The following AXDND1 variants were observed in gnomAD, a reference collection of about 807,000 sequenced individuals.
AXDND1 encodes the protein axonemal dynein light chain domain-containing protein 1.
AXDND1 carries 110 observed loss-of-function variants against 137.5 expected under a neutral mutation model. The observed-to-expected ratio is 0.80, with a 90% CI of 0.69 to 0.94. The LOEUF (loss-of-function observed/expected upper bound fraction) is 0.94. Ranked by LOEUF, AXDND1 falls within the 40% of genes least tolerant of loss-of-function variation. The pLI is 0.00. For synonymous variants in AXDND1, 414 were observed against 399.7 expected, an observed-to-expected ratio of 1.04 and a Z score of -0.43; for missense variants, 1,191 against 1,169.8, an observed-to-expected ratio of 1.02 and a Z score of -0.26.
At chr1:179,425,558 G>T (rs1487925137) in intron 12 of AXDND1, among the ~76,000 whole-genome samples, 1 of 151,270 alleles carries the variant, frequency 6.6e-6, no homozygotes, top group East Asian at 1.9e-4. Flanking sequence ...CAACATGATG[G>T]GGTCTCCTGC....
chr1:179,411,362 A>G (rs1653849747), intron 12 of AXDND1, 96 bp downstream of exon 12: 2 of 1,496,192 alleles, frequency 1.3e-6, no homozygotes, highest in South Asian at 2.4e-5. Flanking sequence ...TTTTGTTTTG[A>G]AAGAGTCTTA....
chr1:179,379,093 T>G (rs1481466592), intron 5 of AXDND1, among the ~76,000 whole-genome samples: 2 of 152,168 alleles, frequency 1.3e-5, no homozygotes, highest in African/African-American at 4.8e-5. Context: ...CTTGCTAAGT[T>G]GAATTTTAAA....
intron 17 of AXDND1, among the ~76,000 whole-genome samples, chr1:179,477,816 G>A (rs1234488814): frequency 6.6e-6 from 1 of 152,156 alleles, no homozygotes; most frequent in African/African-American, 2.4e-5. Flanking sequence ...GACAAGGCAA[G>A]TTTCTTCCAC....
chr1:179,382,442 C>T lies in AXDND1; in HGVS notation c.582-258C>T, dbSNP rs561747077. ...AATGGCCAAAGGCTGCTCCTTTGAG[C>T]TTTCTCTTGTGTTCTTTGGCCATGT... On this transcript the variant is annotated intron_variant, in intron 6 of 25. Transcript: ENST00000367618. Among the ~76,000 whole-genome samples the T allele has an allele frequency of 2.6e-5, 4 of 152,278 alleles. No homozygotes were observed. In the East Asian group the frequency reaches 7.7e-4, roughly 29 times the overall value.
chr1:179,433,421 G>T (rs1043313908), intron 15 of AXDND1, among the ~76,000 whole-genome samples: 1 of 152,040 alleles, frequency 6.6e-6, no homozygotes, highest in Non-Finnish European at 1.5e-5. Flanking sequence ...GGATTTGTTT[G>T]CTTTTGCTTC....
intron 21 of AXDND1, among the ~76,000 whole-genome samples, chr1:179,510,663 G>A (rs909619773): frequency 5.3e-5 from 8 of 152,038 alleles, no homozygotes; most frequent in Admixed American, 5.2e-4. Flanking sequence ...AAAAATCAAG[G>A]AACTGTACAG....
chr1:179,391,001 T>G (rs1479029559), intron 9 of AXDND1, among the ~76,000 whole-genome samples: 1 of 152,062 alleles, frequency 6.6e-6, no homozygotes, highest in African/African-American at 2.4e-5. Flanking sequence ...AGATAGGGTT[T>G]ATCCATGTTG....
intron 16 of AXDND1, chr1:179,456,255 C>A (rs1250694636): frequency 2.7e-6 from 2 of 735,872 alleles, no homozygotes; most frequent in African/African-American, 3.5e-5. Flanking sequence ...GCTACTGCTG[C>A]TACTGGAACC....
Position 179,430,590 on chromosome 1 carries a change from T to G in AXDND1, c.1471T>G (p.Trp491Gly). ...AATTGTTAAGGATGGGCTTATCAAA[T>G]GGCAGGAGTTCTTCAAGTGAGTCAC... ...LKIVKDGLIK[W>G]QEFFNEKDIL... The change falls in exon 14 of 26, where the codon TGG (tryptophan) becomes GGG (glycine). Residue 491 changes from tryptophan to glycine, a missense_variant. By Grantham distance (184) the Trp-to-Gly change is radical (BLOSUM62 -2). Transcript: ENST00000367618. The G allele has an allele frequency of 6.2e-7, 1 of 1,610,232 alleles. No individual in the cohort carries two copies. Among genetic ancestry groups the G allele is most frequent in the South Asian group, 1.1e-5 (1 of 90,556 alleles).
At chr1:179,517,933 A>G (rs1280589531) in intron 21 of AXDND1, among the ~76,000 whole-genome samples, 1 of 152,170 alleles carries the variant, frequency 6.6e-6, no homozygotes, top group Admixed American at 6.5e-5. Flanking sequence ...TGCTCTGTCC[A>G]TCTGAGTTGG....
chr1:179,368,981 G>C lies in AXDND1; in HGVS notation c.270+9G>C, dbSNP rs1451535403. ...AAATTAAAACCCCAAAGGTTTGTAT[G>C]TACATATGTAGAGTAATGGGGAACA... is the stretch of plus-strand genomic sequence containing the variant. On this transcript the variant is annotated intron_variant, in intron 3 of 25. Transcript: ENST00000367618. 1 of 1,595,146 alleles carries C rather than the reference G, an allele frequency of 6.3e-7. No homozygotes were observed. Among genetic ancestry groups the C allele is most frequent in the African/African-American group, 1.3e-5 (1 of 74,098 alleles).
chr1:179,395,717 C>T (rs1395710931), intron 11 of AXDND1, among the ~76,000 whole-genome samples: 1 of 152,040 alleles, frequency 6.6e-6, no homozygotes, highest in Non-Finnish European at 1.5e-5. Flanking sequence ...ATAATGGTTG[C>T]TTTTAATGAA....
chr1:179,510,450 T>TA (rs869101219), intron 21 of AXDND1, among the ~76,000 whole-genome samples: 8 of 2,756 alleles, frequency 2.9e-3, no homozygotes, highest in Non-Finnish European at 0.01. Flanking sequence ...TTTATGAAAC[T>TA]TTTTTTTTAC....
chr1:179,553,912 A>ATTTTTTTTTTTT (rs11422639), intron 25 of AXDND1, among the ~76,000 whole-genome samples: 1 of 131,876 alleles, frequency 7.6e-6, no homozygotes. Flanking sequence ...CCCCTGGCTA[A>ATTTTTTTTTTTT]TTTTTTTTTT....
intron 4 of AXDND1, among the ~76,000 whole-genome samples, chr1:179,370,854 G>A (rs1667966944): frequency 6.6e-6 from 1 of 152,160 alleles, no homozygotes. Context: ...GTGCCTCCCA[G>A]GGATATTGTA....
intron 12 of AXDND1, among the ~76,000 whole-genome samples, chr1:179,424,925 C>G (rs1294660398): frequency 1.3e-5 from 2 of 152,148 alleles, no homozygotes; most frequent in Non-Finnish European, 2.9e-5. Context: ...TTACATTTCT[C>G]TGATAAATTT....
chr1:179,442,216 G>A (rs942329885), intron 15 of AXDND1, among the ~76,000 whole-genome samples: 2 of 152,190 alleles, frequency 1.3e-5, no homozygotes, highest in Non-Finnish European at 2.9e-5. Context: ...AACTGGAAGA[G>A]GCGGTATAGG....
At chr1:179,424,368 T>C (rs536836927) in intron 12 of AXDND1, among the ~76,000 whole-genome samples, 2 of 152,102 alleles carry the variant, frequency 1.3e-5, no homozygotes, top group East Asian at 3.9e-4. Context: ...TGTTTGGTGC[T>C]CTCAGACCTT....
chr1:179,552,659 C>T, intron 25 of AXDND1: 1 of 1,613,918 alleles, frequency 6.2e-7, no homozygotes, highest in South Asian at 1.1e-5. Context: ...TGCTGAAGCC[C>T]AGCTGGCAAC....
Sources: gnomAD v4.1 joint callset for allele counts (sites outside exome capture counted in the v4.1 genomes callset) on GRCh38, gnomAD v4.1.1 for gene constraint, MANE v1.5 for transcripts, NCBI Gene and HGNC (gene_info 2026-07-23, HGNC 2026-07-21) for gene names.